Variants in ARL17B observed in about 807,000 individuals in gnomAD.
The protein encoded by ARL17B is ADP-ribosylation factor-like protein 17.
At chr17:46,323,573 T>G (rs1425039001) in intron 3 of ARL17B, among the ~76,000 whole-genome samples, 1 of 92,244 alleles carries the variant, frequency 1.1e-5, no homozygotes, top group East Asian at 2.9e-4. Context: ...ATTTTTGTAT[T>G]TTTAGTAGAG....
intron 4 of ARL17B, among the ~76,000 whole-genome samples, chr17:46,275,896 T>TG (rs2049573254): frequency 6.7e-6 from 1 of 149,960 alleles, no homozygotes; most frequent in Non-Finnish European, 1.5e-5. Flanking sequence ...TATTCACAAT[T>TG]TTTTTTTTTT....
intron 3 of ARL17B, among the ~76,000 whole-genome samples, chr17:46,326,000 G>A (rs1212549853): frequency 3.1e-5 from 2 of 63,666 alleles, no homozygotes; most frequent in African/African-American, 6.8e-5. Flanking sequence ...TTGGGCTCAT[G>A]CCTGTAATCC....
downstream of ARL17B, among the ~76,000 whole-genome samples, chr17:46,334,421 TTTTCCTTTCC>T (rs1379821699): frequency 4.6e-4 from 1 of 2,166 alleles, no homozygotes; most frequent in South Asian, 3.2e-3. Flanking sequence ...CCCTTTTCCT[TTTTCCTTTCC>T]TTTCCTTTCC....
intron 4 of ARL17B, among the ~76,000 whole-genome samples, chr17:46,282,906 G>A (rs1319585680): frequency 3.3e-5 from 5 of 152,152 alleles, no homozygotes; most frequent in African/African-American, 4.8e-5. Context: ...ATCACCTGAG[G>A]TCAGGAGTTT....
At chr17:46,275,241 G>C in exon 5 of ARL17B, 1 of 406,360 alleles carries the variant, frequency 2.5e-6, no homozygotes, top group Non-Finnish European at 4.1e-6. Flanking sequence ...TAATATAATT[G>C]GACTGTTATG....
intron 3 of ARL17B, among the ~76,000 whole-genome samples, chr17:46,328,064 T>C (rs891258883): frequency 2.7e-5 from 1 of 36,372 alleles, no homozygotes; most frequent in African/African-American, 4.8e-5. Context: ...TTCAGACTTC[T>C]TAAAAGTCTA....
chr17:46,288,638 G>A (rs1259835615), intron 4 of ARL17B, among the ~76,000 whole-genome samples: 1 of 151,982 alleles, frequency 6.6e-6, no homozygotes, highest in African/African-American at 2.4e-5. Flanking sequence ...TGAGCAGTGA[G>A]GACGACCAGA....
At chr17:46,286,036 T>C (rs1418844733) in intron 4 of ARL17B, among the ~76,000 whole-genome samples, 1 of 152,228 alleles carries the variant, frequency 6.6e-6, no homozygotes, top group Non-Finnish European at 1.5e-5. Context: ...CTCTGCAAGA[T>C]GCCAATGCAG....
At chr17:46,315,137 T>C (rs2051003334) in intron 3 of ARL17B, among the ~76,000 whole-genome samples, 1 of 76,296 alleles carries the variant, frequency 1.3e-5, no homozygotes, top group East Asian at 2.6e-4. Context: ...ATATATTGTT[T>C]ATATGTATAA....
At chr17:46,281,822 T>C (rs1218979577) in intron 4 of ARL17B, among the ~76,000 whole-genome samples, 2 of 152,062 alleles carry the variant, frequency 1.3e-5, no homozygotes, top group Admixed American at 1.3e-4. Flanking sequence ...TTTTGTATTT[T>C]TAGTAGAGAT....
At chr17:46,288,900 T>G (rs1567856475) in intron 4 of ARL17B, among the ~76,000 whole-genome samples, 1 of 152,036 alleles carries the variant, frequency 6.6e-6, no homozygotes, top group Non-Finnish European at 1.5e-5. Flanking sequence ...AGACAGGGTT[T>G]CACCATGTTG....
intron 4 of ARL17B, chr17:46,294,068 T>C (rs2050148227): frequency 1.3e-5 from 1 of 76,560 alleles, no homozygotes; most frequent in African/African-American, 3.2e-5. Context: ...GTATTTTTAG[T>C]AGAGACGGAG....
downstream of ARL17B, among the ~76,000 whole-genome samples, chr17:46,298,764 A>G (rs2050249817): frequency 1.0e-5 from 1 of 95,294 alleles, no homozygotes; most frequent in Non-Finnish European, 2.1e-5. Flanking sequence ...GGGAAGAAAG[A>G]GAATAGGCAT....
At chr17:46,356,990 T>A (rs1321818988) in intron 2 of ARL17B, among the ~76,000 whole-genome samples, 2 of 34,650 alleles carry the variant, frequency 5.8e-5, no homozygotes, top group African/African-American at 3.0e-4. Context: ...CTGCCCAACA[T>A]GGTGAAACCC....
chr17:46,332,593 C>G (rs777293306), downstream of ARL17B: 1 of 1,266,428 alleles, frequency 7.9e-7, no homozygotes, highest in Non-Finnish European at 1.1e-6. Flanking sequence ...CTGACAAACT[C>G]ATCTTGGCAT....
At chr17:46,280,569 CTTTT>C (rs56981193) in intron 4 of ARL17B, among the ~76,000 whole-genome samples, 2 of 112,000 alleles carry the variant, frequency 1.8e-5, no homozygotes, top group Middle Eastern at 7.4e-3. Context: ...TGATAGCACA[CTTTT>C]TTTTTTTTTT....
intron 3 of ARL17B, among the ~76,000 whole-genome samples, chr17:46,340,952 G>A (rs2052511793): frequency 1.3e-5 from 1 of 76,932 alleles, no homozygotes; most frequent in Non-Finnish European, 3.5e-5. Context: ...TGTTGCCCAG[G>A]CTGGTTTTGA....
chr17:46,291,024 G>C (rs1037114899), intron 4 of ARL17B, among the ~76,000 whole-genome samples: 13 of 152,200 alleles, frequency 8.5e-5, no homozygotes, highest in African/African-American at 2.9e-4. Context: ...AATGGCCCTG[G>C]TTTAATGAAT....
chr17:46,287,799 C>T (rs1279999800), intron 4 of ARL17B, among the ~76,000 whole-genome samples: 2 of 152,234 alleles, frequency 1.3e-5, no homozygotes, highest in Non-Finnish European at 2.9e-5. Flanking sequence ...GCAGGGTCTA[C>T]ACTGCTTGGC....
Sources: allele counts gnomAD v4.1 joint callset (sites outside exome capture counted in the v4.1 genomes callset), GRCh38; gene constraint gnomAD v4.1.1; transcripts MANE v1.5; gene names NCBI Gene and HGNC (gene_info 2026-07-23, HGNC 2026-07-21).